CLCA1: variants seen among roughly 807,000 people sequenced by gnomAD.
CLCA1 encodes calcium-activated chloride channel regulator 1.
In CLCA1, 59 loss-of-function variants were observed where a neutral mutation model predicts 85.6. The ratio of observed to expected loss-of-function variants is 0.69; its 90% CI spans 0.56 to 0.86. The LOEUF (loss-of-function observed/expected upper bound fraction) is 0.86. CLCA1 is among the 40% of genes least tolerant of loss of function. The pLI is 0.00. For missense variants in CLCA1, 1,022 were observed against 1,101.4 expected (o/e 0.93, Z 1.02); for synonymous variants, 396 against 398.3 (o/e 0.99, Z 0.07).
In CLCA1 at chr1:86,485,523, A is replaced by C; in HGVS notation, c.916A>C (p.Ile306Leu). 6.2e-7 allele frequency: 1 copy of C among 1,614,138 alleles called. No individual in the cohort carries two copies. Among genetic ancestry groups the C allele is most frequent in the South Asian group, 1.1e-5 (1 of 91,078 alleles). Residue 306 changes from isoleucine to leucine, a missense_variant, in exon 6 of 14, where the codon ATT becomes CTT. Ile to Leu is a conservative substitution (Grantham distance 5). Coordinates refer to ENST00000394711, the MANE Select transcript of CLCA1 (RefSeq NM_001285.4). The part of the protein sequence containing the change: ...TFSLLQIGQR[I>L]VCLVLDKSGS... Reference sequence around the variant, plus strand: ...CTCATTGCTGCAGATTGGACAAAGAATTGTGTGTTTAGTCCTTGACAAATC... The same window carrying C: ...CTCATTGCTGCAGATTGGACAAAGACTTGTGTGTTTAGTCCTTGACAAATC...
chr1:86,487,879 C>T (rs766025250), intron 7 of CLCA1, among the ~76,000 whole-genome samples: 37 of 152,344 alleles, frequency 2.4e-4, no homozygotes, highest in Non-Finnish European at 3.4e-4. Context: ...TTTTCCATGA[C>T]ACACAGCAGT....
intron 4 of CLCA1, among the ~76,000 whole-genome samples, chr1:86,478,100 T>G (rs112594537): frequency 6.6e-6 from 1 of 152,152 alleles, no homozygotes. Context: ...TTCCATTATA[T>G]TATGCCTCAT....
At chr1:86,469,393 G>A (rs5744303) in intron 1 of CLCA1, among the ~76,000 whole-genome samples, 6,743 of 152,290 alleles carry the variant, frequency 0.044, 208 homozygotes, top group South Asian at 0.11. Context: ...ATGTACTGCT[G>A]TGGATTATGT....
At chr1:86,490,035 C>T (rs72720162) in intron 8 of CLCA1, among the ~76,000 whole-genome samples, 4 of 152,150 alleles carry the variant, frequency 2.6e-5, no homozygotes, top group African/African-American at 4.8e-5. Flanking sequence ...CAGACCTAGT[C>T]GGAGTCTAGC....
At chr1:86,484,030 G>A (rs879505810) in intron 5 of CLCA1, among the ~76,000 whole-genome samples, 5 of 152,162 alleles carry the variant, frequency 3.3e-5, no homozygotes, top group Non-Finnish European at 5.9e-5. Context: ...AAAATCATCA[G>A]ATTACGTGGG....
intron 3 of CLCA1, among the ~76,000 whole-genome samples, chr1:86,475,057 A>G (rs1647606420): frequency 6.6e-6 from 1 of 152,142 alleles, no homozygotes; most frequent in Non-Finnish European, 1.5e-5. Flanking sequence ...TCTACAACAC[A>G]TTTCACCTCC....
chr1:86,471,355 C>T lies in CLCA1; in HGVS notation c.163-2062C>T, dbSNP rs79141256. Among the ~76,000 whole-genome samples the T allele has an allele frequency of 3.5e-4, 53 of 152,300 alleles. No individual in the cohort carries two copies. The East Asian group carries it at 8.5e-3, about 24-fold the overall frequency. The stretch of plus-strand genomic sequence containing the variant: ...AGAAGTCCAGTGGTCAATATACTGT[C>T]CCTGTCCTGAAGGAATTTCTAGCCC... On this transcript the variant is annotated intron_variant, in intron 1 of 13. Transcript: ENST00000394711.
chr1:86,494,544 G>A lies in CLCA1; in HGVS notation c.1942+96G>A. 2.3e-6 allele frequency: 3 copies of A among 1,327,150 alleles called. No homozygotes were observed. In the Admixed American group the frequency reaches 5.4e-5, roughly 24 times the overall value. 82.2% of individuals were successfully genotyped at this position (1,327,150 alleles called of 1,614,324 possible). A position where few individuals can be genotyped will look rare whatever the true frequency, so the allele number is the denominator to read the frequency against. On this transcript the variant is annotated intron_variant, in intron 11 of 13. Transcript: ENST00000394711. ...ATGGTCTGGTGAGGGCAGTTAGACA[G>A]GCAAGGCAGCACAGCACTGAGGTCT... is the stretch of plus-strand genomic sequence containing the variant.
chr1:86,485,369 C>G lies in CLCA1; in HGVS notation c.762C>G (p.Asn254Lys). The change falls in exon 6 of 14, where the codon AAC (asparagine) becomes AAG (lysine). Residue 254 changes from asparagine (N) to lysine (K), a missense_variant. Transcript: ENST00000394711. ...TAGTTGAATTCTGTACAGAACAAAA[C>G]CACAACAAAGAAGCTCCAAACAAGC... ...DSIVEFCTEQ[N>K]HNKEAPNKQN... 6.2e-7 allele frequency: 1 copy of G among 1,613,926 alleles called. No homozygotes were observed. Among genetic ancestry groups the G allele is most frequent in the Non-Finnish European group, 8.5e-7 (1 of 1,179,816 alleles).
intron 3 of CLCA1, among the ~76,000 whole-genome samples, chr1:86,474,347 G>T (rs1343702300): frequency 6.6e-6 from 1 of 152,180 alleles, no homozygotes; most frequent in Admixed American, 6.5e-5. Flanking sequence ...GAGGTCAGGA[G>T]ATCAAGACCA....
At position 86,490,828 on chromosome 1, in the gene CLCA1, G is replaced by A. The variant is rs1648114128; in HGVS notation, c.1358-437G>A. 2.0e-5 allele frequency among the ~76,000 whole-genome samples: 3 copies of A among 151,324 alleles called. No homozygotes were observed. In the South Asian group the frequency reaches 6.3e-4, roughly 32 times the overall value. On this transcript the variant is annotated intron_variant, in intron 8 of 13. Transcript: ENST00000394711. ...CTCCTGTAATCCCAGAATTTTAGGA[G>A]GCCAAGGCAGGTGGATTGATTGAGC...
intron 3 of CLCA1, 91 bp downstream of exon 3, chr1:86,473,967 GTATA>G (rs1272971253): frequency 1.1e-6 from 1 of 877,786 alleles, no homozygotes; most frequent in East Asian, 2.7e-5. Context: ...GAGTAAGCAT[GTATA>G]AGCCAAACAA....
intron 1 of CLCA1, among the ~76,000 whole-genome samples, chr1:86,471,320 G>A (rs1228903369): frequency 6.6e-6 from 1 of 152,166 alleles, no homozygotes; most frequent in Non-Finnish European, 1.5e-5. Flanking sequence ...TCTAAATTAT[G>A]TCAGGTACTA....
At chr1:86,477,842 A>T (rs1647712110) in intron 4 of CLCA1, among the ~76,000 whole-genome samples, 1 of 152,242 alleles carries the variant, frequency 6.6e-6, no homozygotes, top group Admixed American at 6.5e-5. Flanking sequence ...TCCTGCATTT[A>T]AAAACAACAC....
chr1:86,483,016 GTCTC>G (rs1320912603), intron 5 of CLCA1, among the ~76,000 whole-genome samples: 5 of 152,154 alleles, frequency 3.3e-5, no homozygotes, highest in Non-Finnish European at 7.3e-5. Flanking sequence ...TCAGTGGGAA[GTCTC>G]TCTTGTCTTC....
At position 86,498,891 on chromosome 1, in the gene CLCA1, G is replaced by A. The variant is rs577893244; in HGVS notation, c.2353+80G>A. The A allele has an allele frequency of 4.3e-4, 650 of 1,495,590 alleles. 6 individuals carry two copies. The highest frequency in any genetic ancestry group is 6.0e-5 in the Admixed American group (3 of 50,058). 92.6% of individuals were successfully genotyped at this position (1,495,590 alleles called of 1,614,324 possible). On this transcript the variant is annotated intron_variant, in intron 13 of 13. Coordinates refer to ENST00000394711, the MANE Select transcript of CLCA1 (RefSeq NM_001285.4). ...GCAGAAGCGGGTGAGGCAGGCAGCC[G>A]TGTTCTGATACTTAGGGGGCAGAAG...
chr1:86,478,148 G>A (rs772521710), intron 4 of CLCA1, among the ~76,000 whole-genome samples: 1 of 152,070 alleles, frequency 6.6e-6, no homozygotes, highest in Non-Finnish European at 1.5e-5. Flanking sequence ...CATCAAGTGG[G>A]CCGGGCATGG....
At chr1:86,485,804 A>G (rs1365932994) in intron 6 of CLCA1, among the ~76,000 whole-genome samples, 1 of 152,206 alleles carries the variant, frequency 6.6e-6, no homozygotes, top group African/African-American at 2.4e-5. Flanking sequence ...TATGAGCTTA[A>G]CATTTTTAAT....
chr1:86,498,034 T>A (rs1309900210), intron 12 of CLCA1, among the ~76,000 whole-genome samples: 1 of 151,960 alleles, frequency 6.6e-6, no homozygotes, highest in African/African-American at 2.4e-5. Flanking sequence ...TCCCAGCTAC[T>A]CAGGAGGCTG....
Sources: gnomAD v4.1 joint callset for allele counts (sites outside exome capture counted in the v4.1 genomes callset) on GRCh38, gnomAD v4.1.1 for gene constraint, MANE v1.5 for transcripts, NCBI Gene and HGNC (gene_info 2026-07-23, HGNC 2026-07-21) for gene names.